Variants in PITPNC1 observed in about 807,000 individuals in gnomAD.
PITPNC1 encodes the protein cytoplasmic phosphatidylinositol transfer protein 1.
PITPNC1 carries 18 observed loss-of-function variants against 44.7 expected under a neutral mutation model. That is an observed-to-expected ratio of 0.40 (90% CI 0.28 to 0.60). PITPNC1 has a LOEUF of 0.60. Ranked by LOEUF, PITPNC1 falls within the 20% of genes least tolerant of loss-of-function variation. The pLI is 0.39. For missense variants in PITPNC1, 290 were observed against 418.4 expected, an observed-to-expected ratio of 0.69 and a Z score of 2.68; for synonymous variants, 141 against 149.6, an observed-to-expected ratio of 0.94 and a Z score of 0.42.
At chr17:67,683,467 A>C (rs1347733887) in intron 8 of PITPNC1, among the ~76,000 whole-genome samples, 1 of 152,208 alleles carries the variant, frequency 6.6e-6, no homozygotes, top group Non-Finnish European at 1.5e-5. Context: ...TCTGAGAAAT[A>C]CTGAAAATAT....
chr17:67,379,121 GA>G lies in PITPNC1; in HGVS notation c.48+920del, dbSNP rs1213246184. ...CCTTTGTGGTGATTCCACGACTGCT[GA>G]GCGTCTCTGTCCAGGGACAGCGAGG... On this transcript the variant is annotated intron_variant, in intron 1 of 8. Transcript: ENST00000581322. 3.0e-6 allele frequency: 3 copies of G among 985,876 alleles called. No homozygotes were observed. The African/African-American group carries it at 5.2e-5, about 17-fold the overall frequency. 61.1% of individuals were successfully genotyped at this position (985,876 alleles called of 1,614,324 possible).
chr17:67,569,311 G>C (rs543154320), intron 4 of PITPNC1, among the ~76,000 whole-genome samples: 1 of 152,158 alleles, frequency 6.6e-6, no homozygotes, highest in Non-Finnish European at 1.5e-5. Context: ...TGGAAATTCA[G>C]TTCTGCCGTG....
intron 1 of PITPNC1, among the ~76,000 whole-genome samples, chr17:67,517,958 C>T (rs183569060): frequency 2.6e-5 from 4 of 152,238 alleles, no homozygotes; most frequent in African/African-American, 4.8e-5. Context: ...CTTTTTCCAG[C>T]GTAGCTGTCA....
chr17:67,466,826 A>G (rs2039434788), intron 1 of PITPNC1, among the ~76,000 whole-genome samples: 1 of 151,940 alleles, frequency 6.6e-6, no homozygotes, highest in Admixed American at 6.6e-5. Flanking sequence ...TCTTTCAACT[A>G]CTTCATTCCA....
intron 1 of PITPNC1, among the ~76,000 whole-genome samples, chr17:67,507,577 C>T (rs925013632): frequency 6.7e-6 from 1 of 149,962 alleles, no homozygotes; most frequent in East Asian, 2.0e-4. Flanking sequence ...CCCAGCTACT[C>T]GGGAGGCTGA....
chr17:67,486,965 G>A (rs888932812), intron 1 of PITPNC1, among the ~76,000 whole-genome samples: 23 of 151,858 alleles, frequency 1.5e-4, no homozygotes, highest in Non-Finnish European at 2.8e-4. Context: ...CCTGGGAGGC[G>A]GAGGTTGCAG....
chr17:67,579,329 C>T (rs377330242), intron 5 of PITPNC1, among the ~76,000 whole-genome samples: 2 of 152,186 alleles, frequency 1.3e-5, no homozygotes, highest in African/African-American at 4.8e-5. Flanking sequence ...CCTCAGGACC[C>T]GTTGAAAGGA....
At chr17:67,633,093 G>A (rs2041990908) in intron 6 of PITPNC1, among the ~76,000 whole-genome samples, 1 of 152,118 alleles carries the variant, frequency 6.6e-6, no homozygotes, top group African/African-American at 2.4e-5. Flanking sequence ...TATCCCATTA[G>A]TATTTTATTA....
chr17:67,514,425 C>T (rs56681367), intron 1 of PITPNC1, among the ~76,000 whole-genome samples: 1 of 147,456 alleles, frequency 6.8e-6, no homozygotes, highest in Non-Finnish European at 1.5e-5. Context: ...GGTCTTGAAC[C>T]CCTGACCTCA....
intron 1 of PITPNC1, among the ~76,000 whole-genome samples, chr17:67,419,320 A>G (rs2038632883): frequency 6.6e-6 from 1 of 152,182 alleles, no homozygotes; most frequent in Admixed American, 6.5e-5. Context: ...CACAGATTCT[A>G]GAAGTTTCCT....
intron 1 of PITPNC1, among the ~76,000 whole-genome samples, chr17:67,421,113 G>A (rs976898006): frequency 6.6e-6 from 1 of 152,062 alleles, no homozygotes; most frequent in Non-Finnish European, 1.5e-5. Flanking sequence ...TTCCAGGTAG[G>A]CTGAGAGAAA....
intron 4 of PITPNC1, among the ~76,000 whole-genome samples, chr17:67,575,341 C>T (rs16961005): frequency 0.14 from 21,350 of 151,890 alleles, 1,713 homozygotes; most frequent in South Asian, 0.26. Context: ...ATAAGGGCAG[C>T]GGTTATGGAG....
At chr17:67,679,482 T>G (rs1260312603) in intron 8 of PITPNC1, among the ~76,000 whole-genome samples, 1 of 152,242 alleles carries the variant, frequency 6.6e-6, no homozygotes, top group African/African-American at 2.4e-5. Flanking sequence ...TACACACTGA[T>G]GCATGGGTAG....
intron 1 of PITPNC1, among the ~76,000 whole-genome samples, chr17:67,456,661 C>A (rs918359602): frequency 2.6e-4 from 40 of 152,050 alleles, no homozygotes; most frequent in African/African-American, 9.2e-4. Flanking sequence ...GTTTTAATTT[C>A]TCCTTTTTTG....
At chr17:67,675,442 G>T (rs761033711) in intron 7 of PITPNC1, 37 bp from the exon 8 acceptor site, 1 of 1,377,106 alleles carries the variant, frequency 7.3e-7, no homozygotes. Flanking sequence ...TTTCATCAAA[G>T]ATGCTATTAT....
chr17:67,549,811 CAT>C (rs2040734631), intron 2 of PITPNC1, among the ~76,000 whole-genome samples: 1 of 152,132 alleles, frequency 6.6e-6, no homozygotes, highest in Non-Finnish European at 1.5e-5. Context: ...CGTAGGGAGA[CAT>C]ATGCGCTTTG....
At chr17:67,394,722 G>A (rs1242453004) in intron 1 of PITPNC1, among the ~76,000 whole-genome samples, 1 of 152,028 alleles carries the variant, frequency 6.6e-6, no homozygotes, top group Admixed American at 6.6e-5. Flanking sequence ...GCTAAACCCC[G>A]TCTCGACTAA....
chr17:67,652,628 C>T (rs1377380534), intron 6 of PITPNC1, among the ~76,000 whole-genome samples: 1 of 152,170 alleles, frequency 6.6e-6, no homozygotes, highest in Non-Finnish European at 1.5e-5. Context: ...AACTTGCAGC[C>T]CCACGCGTTC....
intron 1 of PITPNC1, among the ~76,000 whole-genome samples, chr17:67,490,868 A>G (rs2039854931): frequency 6.6e-6 from 1 of 152,148 alleles, no homozygotes; most frequent in Non-Finnish European, 1.5e-5. Flanking sequence ...AGCTGTTTAT[A>G]TCAACATTTC....
Sources: allele counts gnomAD v4.1 joint callset (sites outside exome capture counted in the v4.1 genomes callset), GRCh38; gene constraint gnomAD v4.1.1; transcripts MANE v1.5; gene names NCBI Gene and HGNC (gene_info 2026-07-23, HGNC 2026-07-21).